The following KIF26B variants were observed in gnomAD, a reference collection of about 807,000 sequenced individuals.
KIF26B encodes kinesin-like protein KIF26B.
In KIF26B, 63 loss-of-function variants were observed where a neutral mutation model predicts 151.2. The observed-to-expected ratio is 0.42, with a 90% CI of 0.34 to 0.51. The LOEUF (loss-of-function observed/expected upper bound fraction) is 0.51. KIF26B is among the 20% of genes least tolerant of loss of function. KIF26B has a pLI of 0.07. For synonymous variants in KIF26B, 1,357 were observed against 1,262.1 expected, an observed-to-expected ratio of 1.08 and a Z score of -1.59; for missense variants, 2,813 against 2,913.6, an observed-to-expected ratio of 0.97 and a Z score of 0.79.
At chr1:245,289,893 G>A (rs1026804585) in intron 2 of KIF26B, among the ~76,000 whole-genome samples, 2 of 152,228 alleles carry the variant, frequency 1.3e-5, no homozygotes, top group Non-Finnish European at 2.9e-5. Flanking sequence ...TGTTGTTCCC[G>A]ACTAAGCAAA....
intron 2 of KIF26B, among the ~76,000 whole-genome samples, chr1:245,190,842 C>T (rs553486453): frequency 6.6e-6 from 1 of 151,362 alleles, no homozygotes; most frequent in South Asian, 2.1e-4. Flanking sequence ...GGTGGATCAC[C>T]TGAGGTCAGG....
chr1:245,469,498 T>C (rs1023153495), intron 4 of KIF26B, among the ~76,000 whole-genome samples: 2 of 152,194 alleles, frequency 1.3e-5, no homozygotes, highest in African/African-American at 4.8e-5. Flanking sequence ...GTATTATTAA[T>C]ATTTAATATG....
intron 3 of KIF26B, among the ~76,000 whole-genome samples, chr1:245,397,728 G>A (rs1302858191): frequency 6.6e-6 from 1 of 152,180 alleles, no homozygotes; most frequent in Non-Finnish European, 1.5e-5. Flanking sequence ...GAAAACAGAA[G>A]GGGAACATGC....
At chr1:245,221,638 A>G (rs12138515) in intron 2 of KIF26B, among the ~76,000 whole-genome samples, 3 of 151,938 alleles carry the variant, frequency 2.0e-5, no homozygotes, top group African/African-American at 7.3e-5. Flanking sequence ...AACTCCTGAC[A>G]TCAGGTGGTC....
chr1:245,704,669 C>T lies in KIF26B; in HGVS notation c.*2063C>T, dbSNP rs1287435225. ...TGTTGCCCTGGGAAGCAGGACCTCCCTGAGCTCCTTAACCTTGACCCCATT... is the reference window on the plus strand; with the variant it reads ...TGTTGCCCTGGGAAGCAGGACCTCCTTGAGCTCCTTAACCTTGACCCCATT... On this transcript the variant is annotated 3_prime_UTR_variant, in exon 15 of 15. Transcript: ENST00000407071. The T allele has an allele frequency of 6.6e-6, 1 of 152,290 alleles. No individual in the cohort carries two copies. The highest frequency in any genetic ancestry group is 2.4e-5 in the African/African-American group (1 of 41,466). 9.4% of individuals were successfully genotyped at this position (152,290 alleles called of 1,614,324 possible).
At chr1:245,162,263 G>C (rs989841794) in intron 2 of KIF26B, among the ~76,000 whole-genome samples, 7 of 152,014 alleles carry the variant, frequency 4.6e-5, no homozygotes, top group African/African-American at 1.5e-4. Context: ...CTATTCATCA[G>C]CATCCTTTCT....
At chr1:245,324,646 T>C (rs1366452383) in intron 2 of KIF26B, among the ~76,000 whole-genome samples, 1 of 152,164 alleles carries the variant, frequency 6.6e-6, no homozygotes, top group Non-Finnish European at 1.5e-5. Flanking sequence ...TTGAAATCCC[T>C]CCTGCTTTGG....
In KIF26B at chr1:245,677,839, A is replaced by G. The variant is rs2044374509; in HGVS notation, c.2259-6394A>G. On this transcript the variant is annotated intron_variant, in intron 10 of 14. Coordinates refer to ENST00000407071, the MANE Select transcript of KIF26B (RefSeq NM_018012.4). Reference sequence around the variant, plus strand: ...ATGTGTTTCAGTCTGGCGCAACTCAACACTGTCAGAAATAATAAAGACACT... The same window carrying G: ...ATGTGTTTCAGTCTGGCGCAACTCAGCACTGTCAGAAATAATAAAGACACT... 2.0e-5 allele frequency among the ~76,000 whole-genome samples: 3 copies of G among 152,244 alleles called. 1 individual carries two copies. In the South Asian group the frequency reaches 6.2e-4, roughly 32 times the overall value.
At chr1:245,668,338 C>T (rs141419157) in intron 10 of KIF26B, among the ~76,000 whole-genome samples, 26 of 152,342 alleles carry the variant, frequency 1.7e-4, no homozygotes, top group Admixed American at 3.9e-4. Context: ...AACGTACCAA[C>T]TTAAAAGATG....
At chr1:245,301,576 C>A (rs1368948581) in intron 2 of KIF26B, among the ~76,000 whole-genome samples, 1 of 152,150 alleles carries the variant, frequency 6.6e-6, no homozygotes, top group Non-Finnish European at 1.5e-5. Flanking sequence ...GGCGCGGAGT[C>A]CCAGATCACC....
At position 245,239,786 on chromosome 1, in the gene KIF26B, G is replaced by A. The variant is rs1267641708; in HGVS notation, c.465+83103G>A. 5.3e-5 allele frequency among the ~76,000 whole-genome samples: 8 copies of A among 152,092 alleles called. No homozygotes were observed. The highest frequency in any genetic ancestry group is 1.2e-4 in the Non-Finnish European group (8 of 68,000). On this transcript the variant is annotated intron_variant, in intron 2 of 14. Coordinates refer to ENST00000407071, the MANE Select transcript of KIF26B (RefSeq NM_018012.4). This position sits in a 1 kb window ranked among gnomAD's most constrained non-coding sequence, Gnocchi z 4.3. ...GCTGGGATTACAGGCATGAGCCATT[G>A]TGTCCTGACCAGTAAAATGATTTTC...
intron 10 of KIF26B, among the ~76,000 whole-genome samples, chr1:245,669,401 C>G (rs1173804497): frequency 6.6e-6 from 1 of 152,112 alleles, no homozygotes; most frequent in Non-Finnish European, 1.5e-5. Context: ...GAAAAACAAC[C>G]TATAGAATGG....
At chr1:245,261,208 C>G (rs1670631439) in intron 2 of KIF26B, among the ~76,000 whole-genome samples, 1 of 149,316 alleles carries the variant, frequency 6.7e-6, no homozygotes, top group Non-Finnish European at 1.5e-5. Context: ...TGCAATGGTG[C>G]AATCTCGGCT....
chr1:245,407,772 A>G (rs1427296081), intron 3 of KIF26B, among the ~76,000 whole-genome samples: 2 of 152,330 alleles, frequency 1.3e-5, no homozygotes, highest in Middle Eastern at 3.4e-3. Context: ...CCATATCCAG[A>G]CACATCCTAT....
At chr1:245,295,115 A>C (rs1671315668) in intron 2 of KIF26B, among the ~76,000 whole-genome samples, 1 of 152,230 alleles carries the variant, frequency 6.6e-6, no homozygotes, top group African/African-American at 2.4e-5. Flanking sequence ...CAAGACATAA[A>C]TAATGAAGCA....
chr1:245,546,370 G>A lies in KIF26B; in HGVS notation c.1350+5420G>A, dbSNP rs189487725. ...AATACTGTTTTTAAAAAAGGTACTC[G>A]GTAGCTGTTATTCACTCAGTCAACA... On this transcript the variant is annotated intron_variant, in intron 5 of 14. Transcript: ENST00000407071. Among the ~76,000 whole-genome samples the A allele has an allele frequency of 6.7e-3, 1,012 of 152,158 alleles. 11 individuals carry two copies. Among genetic ancestry groups the A allele is most frequent in the African/African-American group, 0.023 (970 of 41,514 alleles).
At chr1:245,645,278 T>C (rs1342991473) in intron 9 of KIF26B, among the ~76,000 whole-genome samples, 1 of 152,130 alleles carries the variant, frequency 6.6e-6, no homozygotes, top group Non-Finnish European at 1.5e-5. Context: ...GAGGATCACA[T>C]TTCAACATGA....
chr1:245,557,877 AG>A (rs1662075723), intron 5 of KIF26B, among the ~76,000 whole-genome samples: 1 of 151,952 alleles, frequency 6.6e-6, no homozygotes, highest in South Asian at 2.1e-4. Flanking sequence ...AAATAGGCAG[AG>A]GGTAGAACTG....
At chr1:245,639,207 A>T (rs1439058629) in intron 9 of KIF26B, among the ~76,000 whole-genome samples, 2 of 151,680 alleles carry the variant, frequency 1.3e-5, no homozygotes, top group Admixed American at 1.3e-4. Context: ...TTGGTAGGTT[A>T]TATGTTTCCA....
Sources: gnomAD v4.1 joint callset for allele counts (sites outside exome capture counted in the v4.1 genomes callset) on GRCh38, gnomAD v4.1.1 for gene constraint, Gnocchi (gnomAD v3.1) non-coding constraint, MANE v1.5 for transcripts, NCBI Gene and HGNC (gene_info 2026-07-23, HGNC 2026-07-21) for gene names.